CNOT7: variants seen among roughly 807,000 people sequenced by gnomAD.
CNOT7 encodes CCR4-NOT transcription complex subunit 7.
In CNOT7, 4 loss-of-function variants were observed where a neutral mutation model predicts 37.1. The observed-to-expected ratio is 0.11, with a 90% CI of 0.05 to 0.25. The LOEUF (loss-of-function observed/expected upper bound fraction) is 0.25. Among genes scored for constraint, CNOT7 ranks in the 10% least tolerant of loss-of-function variants. CNOT7 has a pLI of 1.00. For missense variants in CNOT7, 170 were observed against 336.2 expected (o/e 0.51, Z 3.87); for synonymous variants, 128 against 115.6 (o/e 1.11, Z -0.69).
intron 4 of CNOT7, among the ~76,000 whole-genome samples, chr8:17,236,578 A>T (rs377185947): frequency 6.6e-6 from 1 of 152,134 alleles, no homozygotes; most frequent in South Asian, 2.1e-4. Context: ...TCTTCAAGCT[A>T]TTTCTTCTAA....
Position 17,230,370 on chromosome 8 carries a change from A to T in CNOT7, c.*350T>A, listed in dbSNP as rs1427162176. 6.3e-6 allele frequency: 1 copy of T among 157,850 alleles called. No homozygotes were observed. Among genetic ancestry groups the T allele is most frequent in the Non-Finnish European group, 1.4e-5 (1 of 71,720 alleles). 9.8% of individuals were successfully genotyped at this position (157,850 alleles called of 1,614,324 possible). On this transcript the variant is annotated 3_prime_UTR_variant, in exon 7 of 7. Coordinates refer to ENST00000361272, the MANE Select transcript of CNOT7 (RefSeq NM_013354.7). ...GGGAGAGACGTGAAACAGGGAAATAAATTACAGTCAGTGCTAGTTAATTTA... is the reference window on the plus strand; with the variant it reads ...GGGAGAGACGTGAAACAGGGAAATATATTACAGTCAGTGCTAGTTAATTTA...
intron 4 of CNOT7, 118 bp downstream of exon 4, chr8:17,237,094 A>G: frequency 1.1e-6 from 1 of 947,438 alleles, no homozygotes. Context: ...AGACAACTCT[A>G]TATGGCAGTC....
chr8:17,225,701 TATA>T lies in CNOT7; in HGVS notation c.*5016_*5018del, dbSNP rs1201739381. The T allele has an allele frequency of 2.0e-5, 3 of 151,760 alleles. No individual in the cohort carries two copies. The highest frequency in any genetic ancestry group is 4.4e-5 in the Non-Finnish European group (3 of 67,728). 9.4% of individuals were successfully genotyped at this position (151,760 alleles called of 1,614,324 possible). ...TTGGATGTGTACAGTCCTACGTTTCTATAATGTCTTAATAGAAAAATAAATGAC... is the reference window on the plus strand; with the variant it reads ...TTGGATGTGTACAGTCCTACGTTTCTATGTCTTAATAGAAAAATAAATGAC... On this transcript the variant is annotated 3_prime_UTR_variant, in exon 7 of 7. Transcript: ENST00000361272.
In CNOT7 at chr8:17,226,029, C is replaced by CTTTTTTTTTTTTTTT. The variant is rs61036000; in HGVS notation, c.*4676_*4690dup. On this transcript the variant is annotated 3_prime_UTR_variant, in exon 7 of 7. Coordinates refer to ENST00000361272, the MANE Select transcript of CNOT7 (RefSeq NM_013354.7). The stretch of plus-strand genomic sequence containing the variant: ...TCTTCTAGTAGAGAGGTGGACAAGC[C>CTTTTTTTTTTTTTTT]TTTTTTTTTTTTTTTTTTTTTTTTT... The CTTTTTTTTTTTTTTT allele has an allele frequency of 1.7e-4, 10 of 58,720 alleles. No homozygotes were observed. The highest frequency in any genetic ancestry group is 5.3e-4 in the African/African-American group (8 of 15,082). 3.6% of individuals were successfully genotyped at this position (58,720 alleles called of 1,614,324 possible). A position where few individuals can be genotyped will look rare whatever the true frequency, so the allele number is the denominator to read the frequency against.
chr8:17,226,952 T>C lies in CNOT7; in HGVS notation c.*3768A>G, dbSNP rs1168517487. The C allele has an allele frequency of 2.0e-5, 3 of 151,554 alleles. No homozygotes were observed. Among genetic ancestry groups the C allele is most frequent in the Non-Finnish European group, 4.4e-5 (3 of 67,698 alleles). 9.4% of individuals were successfully genotyped at this position (151,554 alleles called of 1,614,324 possible). A position where few individuals can be genotyped will look rare whatever the true frequency, so the allele number is the denominator to read the frequency against. On this transcript the variant is annotated 3_prime_UTR_variant, in exon 7 of 7. Coordinates refer to ENST00000361272, the MANE Select transcript of CNOT7 (RefSeq NM_013354.7). ...AAAAATAAAAATAAATCTTTAGCACTGCTAAGCCATTGAACGCCTGTGTGG... is the reference window on the plus strand; with the variant it reads ...AAAAATAAAAATAAATCTTTAGCACCGCTAAGCCATTGAACGCCTGTGTGG...
rs1364657441 is a variant in CNOT7 at position 17,245,172 on chromosome 8, C to A, written c.-20G>T. ...TGGCATAGTGAGGGCACAAGGGAGTCTAGATGCCAAGCATCAAAATGTTAT... is the reference window on the plus strand; with the variant it reads ...TGGCATAGTGAGGGCACAAGGGAGTATAGATGCCAAGCATCAAAATGTTAT... On this transcript the variant is annotated 5_prime_UTR_variant, in exon 2 of 7. An upstream open reading frame in the 5' UTR loses its in-frame stop. Coordinates refer to ENST00000361272, the MANE Select transcript of CNOT7 (RefSeq NM_013354.7). 11 of 1,589,134 alleles carry A rather than the reference C, an allele frequency of 6.9e-6. No homozygotes were observed. The South Asian group carries it at 1.0e-4, about 15-fold the overall frequency.
intron 6 of CNOT7, chr8:17,231,450 C>T (rs930237592): frequency 1.1e-6 from 1 of 878,542 alleles, no homozygotes; most frequent in Non-Finnish European, 1.4e-6. Flanking sequence ...TGGAAGGAGT[C>T]CAAAACAAAA....
chr8:17,245,852 G>T (rs1810924922), intron 1 of CNOT7: 1 of 152,002 alleles, frequency 6.6e-6, no homozygotes, highest in South Asian at 2.1e-4. Context: ...ATATTGCATG[G>T]TTACCAAAGA....
At position 17,229,852 on chromosome 8, in the gene CNOT7, A is replaced by AG. The variant is rs1554473162; in HGVS notation, c.*867dup. On this transcript the variant is annotated 3_prime_UTR_variant, in exon 7 of 7. Transcript: ENST00000361272. The stretch of plus-strand genomic sequence containing the variant: ...GGCTACAAAATTTAAAAAAAAAAAA[A>AG]GGGTAAATGGTGATGGAATAAAAAT... 2 of 144,770 alleles carry AG rather than the reference A, an allele frequency of 1.4e-5. No individual in the cohort carries two copies. Among genetic ancestry groups the AG allele is most frequent in the Admixed American group, 6.9e-5 (1 of 14,428 alleles). The allele number at this position is 144,770 out of a possible 1,614,324, so 9.0% of individuals were successfully genotyped here.
At position 17,237,283 on chromosome 8, in the gene CNOT7, C is replaced by G. The variant is rs1199498530; in HGVS notation, c.402G>C (p.Gln134His). The change falls in exon 4 of 7, where the codon CAG becomes CAC. Residue 134 changes from glutamine (Q) to histidine (H), a missense_variant. By Grantham distance (24) the Gln-to-His change is conservative. Around this residue, in one of 6 missense-constraint regions of CNOT7, gnomAD observed 68 missense variants for 151.1 expected, o/e 0.45. Coordinates refer to ENST00000361272, the MANE Select transcript of CNOT7 (RefSeq NM_013354.7). ...KKHEEEGIET[Q>H]YFAELLMTSG... ...AAGTCATAAGAAGTTCTGCAAAGTA[C>G]TGGGTTTCAATTCCTTCCTCCTCAT... 2 of 1,614,014 alleles carry G rather than the reference C, an allele frequency of 1.2e-6. No individual in the cohort carries two copies. The highest frequency in any genetic ancestry group is 2.7e-5 in the African/African-American group (2 of 74,930).
chr8:17,232,798 T>C (rs1260804052), intron 5 of CNOT7, among the ~76,000 whole-genome samples: 1 of 152,136 alleles, frequency 6.6e-6, no homozygotes, highest in East Asian at 1.9e-4. Context: ...GACAGGTAAA[T>C]ACTCTCCTAG....
intron 3 of CNOT7, among the ~76,000 whole-genome samples, chr8:17,239,381 C>T (rs1809825993): frequency 6.6e-6 from 1 of 151,990 alleles, no homozygotes; most frequent in Admixed American, 6.6e-5. Flanking sequence ...CACTCTCTAT[C>T]TCCTTCTTTA....
rs549519764 is a variant in CNOT7, at chr8:17,232,068, C to A, written c.729+359G>T. 444 of 1,029,092 alleles carry A rather than the reference C, an allele frequency of 4.3e-4. 7 individuals are homozygous for A. The South Asian group carries it at 0.013, about 30-fold the overall frequency. The allele number at this position is 1,029,092 out of a possible 1,614,324, so 63.7% of individuals were successfully genotyped here. A position where few individuals can be genotyped will look rare whatever the true frequency, so the allele number is the denominator to read the frequency against. ...GATTCCTTGCCTTGTAGGAGGAGCA[C>A]CAATGGGAGTCAGAAAAGAACTCTG... On this transcript the variant is annotated intron_variant, in intron 6 of 6. Coordinates refer to ENST00000361272, the MANE Select transcript of CNOT7 (RefSeq NM_013354.7).
chr8:17,245,063 A>T lies in CNOT7; in HGVS notation c.90T>A (p.Val30=), dbSNP rs1201729895. 1.2e-6 allele frequency: 2 copies of T among 1,613,648 alleles called. No homozygotes were observed. Among genetic ancestry groups the T allele is most frequent in the African/African-American group, 2.7e-5 (2 of 74,924 alleles). ...TAGCAACGTAATTATATTTTCGGATAACTTGACGAATTTTCTTCATCTCTT... is the reference window on the plus strand; with the variant it reads ...TAGCAACGTAATTATATTTTCGGATTACTTGACGAATTTTCTTCATCTCTT... ...LDEEMKKIRQ[V]IRKYNYVAMD... The change falls in exon 2 of 7, where the codon GTT becomes GTA. Residue 30 remains valine, a synonymous_variant. Coordinates refer to ENST00000361272, the MANE Select transcript of CNOT7 (RefSeq NM_013354.7).
At chr8:17,243,401 A>G in intron 2 of CNOT7, 1 of 633,784 alleles carries the variant, frequency 1.6e-6, no homozygotes, top group African/African-American at 1.8e-5. Flanking sequence ...CCAAAAAGTT[A>G]CTATACGAGA....
chr8:17,244,121 G>T (rs569583405), intron 2 of CNOT7, among the ~76,000 whole-genome samples: 1 of 152,296 alleles, frequency 6.6e-6, no homozygotes, highest in East Asian at 1.9e-4. Context: ...TGTTGGGAGA[G>T]AAAGGATTAA....
In CNOT7 at chr8:17,230,603, T is replaced by C. The variant is rs563343429; in HGVS notation, c.*117A>G. The C allele has an allele frequency of 1.1e-4, 78 of 726,842 alleles. 1 individual carries two copies. The Admixed American group carries it at 1.2e-3, about 11-fold the overall frequency. 45.0% of individuals were successfully genotyped at this position (726,842 alleles called of 1,614,324 possible). ...TAGTACTGAAAGGCAGACAATAAAA[T>C]GGGCCATGAAAGGGGGGGGAAAGGT... On this transcript the variant is annotated 3_prime_UTR_variant, in exon 7 of 7. Transcript: ENST00000361272.
Position 17,229,481 on chromosome 8 carries a change from C to CTT in CNOT7, c.*1238_*1239insAA, listed in dbSNP as rs539374940. The stretch of plus-strand genomic sequence containing the variant: ...ATTTCGGGGTAGAGTTAATGATTAC[C>CTT]GTAAAGTCTTCCTACACATGCTCTG... On this transcript the variant is annotated 3_prime_UTR_variant, in exon 7 of 7. Transcript: ENST00000361272. 1.3e-3 allele frequency: 201 copies of CTT among 151,862 alleles called. 1 individual carries two copies. Among genetic ancestry groups the CTT allele is most frequent in the African/African-American group, 4.5e-3 (186 of 41,368 alleles). 9.4% of individuals were successfully genotyped at this position (151,862 alleles called of 1,614,324 possible).
chr8:17,232,402 G>A, intron 6 of CNOT7, 25 bp downstream of exon 6: 1 of 1,613,534 alleles, frequency 6.2e-7, no homozygotes, highest in Non-Finnish European at 8.5e-7. Context: ...AACCAACTGA[G>A]AAAAAGGCAG....
Sources: gnomAD v4.1 joint callset for allele counts (sites outside exome capture counted in the v4.1 genomes callset) on GRCh38, gnomAD v4.1.1 for gene constraint, gnomAD v4.1.1 regional missense constraint, MANE v1.5 for transcripts, NCBI Gene and HGNC (gene_info 2026-07-23, HGNC 2026-07-21) for gene names.